Variants in GGTA1 observed in about 807,000 individuals in gnomAD.
GGTA1 encodes inactive N-acetyllactosaminide alpha-1,3-galactosyltransferase.
In GGTA1, 5 loss-of-function variants were observed where a neutral mutation model predicts 2.6. The ratio of observed to expected loss-of-function variants is 1.92; its 90% CI spans 1.00 to 4.04. The LOEUF is 4.04. GGTA1 is among the 30% of genes most tolerant of loss of function. The pLI is 0.00. For synonymous variants in GGTA1, 17 were observed against 5.0 expected (o/e 3.38, Z -3.19); for missense variants, 50 against 16.7 (o/e 2.99, Z -3.47).
intron 5 of GGTA1, among the ~76,000 whole-genome samples, chr9:121,458,853 A>T (rs2064936134): frequency 1.3e-5 from 2 of 151,986 alleles, no homozygotes; most frequent in Admixed American, 1.3e-4. Context: ...CCACAGTAAA[A>T]TTGCCCCATT....
At chr9:121,492,906 G>A (rs969531644) in intron 1 of GGTA1, among the ~76,000 whole-genome samples, 4 of 151,946 alleles carry the variant, frequency 2.6e-5, no homozygotes, top group Admixed American at 6.6e-5. Flanking sequence ...CACTTTAGGA[G>A]GCCGAAGCAG....
intron 1 of GGTA1, among the ~76,000 whole-genome samples, chr9:121,498,865 G>A (rs547672218): frequency 1.3e-5 from 2 of 151,256 alleles, no homozygotes; most frequent in African/African-American, 4.8e-5. Flanking sequence ...CTCTTTGCGC[G>A]CTGACATTTT....
intron 2 of GGTA1, among the ~76,000 whole-genome samples, chr9:121,466,598 G>A (rs1000938024): frequency 6.6e-6 from 1 of 152,086 alleles, no homozygotes; most frequent in Non-Finnish European, 1.5e-5. Flanking sequence ...TGCACCTAAA[G>A]GCACGGTTCC....
At chr9:121,482,177 A>G (rs1336390918) in intron 1 of GGTA1, among the ~76,000 whole-genome samples, 1 of 150,306 alleles carries the variant, frequency 6.7e-6, no homozygotes, top group African/African-American at 2.5e-5. Context: ...GTGCTAAAAC[A>G]ATCTAGGAGG....
chr9:121,456,483 T>A (rs1265313135), intron 5 of GGTA1, among the ~76,000 whole-genome samples: 4 of 152,016 alleles, frequency 2.6e-5, no homozygotes, highest in Non-Finnish European at 5.9e-5. Context: ...AATGGTGAGA[T>A]CTTGGCTTAC....
At chr9:121,473,919 A>AAGAAAGAG (rs1469027637) in intron 1 of GGTA1, among the ~76,000 whole-genome samples, 1 of 146,752 alleles carries the variant, frequency 6.8e-6, no homozygotes, top group Non-Finnish European at 1.5e-5. Flanking sequence ...TCCTGCAAGA[A>AAGAAAGAG]AGAAAGAGAG....
At chr9:121,457,122 T>C (rs1472044817) in intron 5 of GGTA1, among the ~76,000 whole-genome samples, 7 of 152,086 alleles carry the variant, frequency 4.6e-5, no homozygotes, top group African/African-American at 1.7e-4. Flanking sequence ...GGAGGAGGAA[T>C]TGACAGAACA....
rs781304750 is a variant in GGTA1 at position 121,480,795 on chromosome 9, G to T, written c.-9-12864C>A. Among the ~76,000 whole-genome samples the T allele has an allele frequency of 1.6e-4, 25 of 152,248 alleles. No homozygotes were observed. The South Asian group carries it at 1.9e-3, about 11-fold the overall frequency. On this transcript the variant is annotated intron_variant, in intron 1 of 5. Coordinates refer to ENST00000481799, the MANE Select transcript of GGTA1 (RefSeq NM_001382585.1). ...CAGATGCCCACCTGCCTATCCTATT[G>T]TTCTGCTCCCAGTTCCACACCCAAA...
At chr9:121,464,326 T>TA (rs2064986169) in intron 2 of GGTA1, among the ~76,000 whole-genome samples, 2 of 144,926 alleles carry the variant, frequency 1.4e-5, no homozygotes, top group African/African-American at 5.1e-5. Context: ...TCCTTGAGGT[T>TA]TTTTTTTTTT....
rs114308122 is a variant in GGTA1 at position 121,491,950 on chromosome 9, C to T, written c.-10+7700G>A. Among the ~76,000 whole-genome samples the T allele has an allele frequency of 8.5e-3, 1,294 of 152,200 alleles. 18 individuals are homozygous for T. Among genetic ancestry groups the T allele is most frequent in the African/African-American group, 0.03 (1,233 of 41,514 alleles). On this transcript the variant is annotated intron_variant, in intron 1 of 5. Coordinates refer to ENST00000481799, the MANE Select transcript of GGTA1 (RefSeq NM_001382585.1). ...AGCTAAGCTATGGCCTCCATGTGGG[C>T]AGGAATTGTGTCTATCTTGTTCATG...
chr9:121,448,608 G>A (rs192882289), intron 7 of GGTA1, among the ~76,000 whole-genome samples: 33 of 152,248 alleles, frequency 2.2e-4, no homozygotes, highest in African/African-American at 7.0e-4. Context: ...GATGAAAAGA[G>A]AAGATAAAAA....
At chr9:121,484,318 G>A (rs1035684360) in intron 1 of GGTA1, among the ~76,000 whole-genome samples, 33 of 152,306 alleles carry the variant, frequency 2.2e-4, no homozygotes, top group Middle Eastern at 3.4e-3. Context: ...CACCAGGCAA[G>A]GAGATTGTGG....
In GGTA1 at chr9:121,473,051, G is replaced by T. The variant is rs191421747; in HGVS notation, c.-9-5120C>A. On this transcript the variant is annotated intron_variant, in intron 1 of 5. Coordinates refer to ENST00000481799, the MANE Select transcript of GGTA1 (RefSeq NM_001382585.1). The stretch of plus-strand genomic sequence containing the variant: ...TTTAAGACTTACAATTGGATGACCG[G>T]GTGCAAACCTGTAATCTCAGCACTT... Among the ~76,000 whole-genome samples the T allele has an allele frequency of 6.5e-3, 994 of 152,242 alleles. 11 individuals are homozygous for T. The highest frequency in any genetic ancestry group is 0.011 in the Non-Finnish European group (726 of 68,014).
intron 5 of GGTA1, among the ~76,000 whole-genome samples, chr9:121,457,700 TAA>T (rs35336090): frequency 8.1e-6 from 1 of 123,046 alleles, no homozygotes; most frequent in Non-Finnish European, 1.6e-5. Context: ...GAATCCATCT[TAA>T]AAAAAAAAAA....
intron 1 of GGTA1, among the ~76,000 whole-genome samples, chr9:121,485,941 C>T (rs948176686): frequency 2.6e-5 from 4 of 152,178 alleles, no homozygotes; most frequent in African/African-American, 7.2e-5. Flanking sequence ...ACAACACCAC[C>T]ACCACCAAAA....
intron 1 of GGTA1, among the ~76,000 whole-genome samples, chr9:121,490,355 C>T (rs1286706129): frequency 1.3e-5 from 2 of 152,206 alleles, no homozygotes; most frequent in African/African-American, 4.8e-5. Flanking sequence ...GGCCATACCA[C>T]TCTGAATGCA....
intron 1 of GGTA1, among the ~76,000 whole-genome samples, chr9:121,482,932 C>T (rs141597177): frequency 2.7e-3 from 407 of 152,058 alleles, no homozygotes; most frequent in African/African-American, 9.3e-3. Flanking sequence ...GCATGGGTGA[C>T]AGAGCGAGAT....
exon 8 of GGTA1, chr9:121,445,024 G>A (rs764749248): frequency 6.6e-6 from 1 of 152,100 alleles, no homozygotes; most frequent in Non-Finnish European, 1.5e-5. Context: ...TGTAAATTGG[G>A]ACATTTTTTA....
In GGTA1 at chr9:121,476,487, T is replaced by G. The variant is rs1828513647; in HGVS notation, c.-9-8556A>C. ...GCTAAGATTCCCCAGTAATCCCCAG[T>G]TCTTCTCTGATGAACCCAGGATGTG... On this transcript the variant is annotated intron_variant, in intron 1 of 5. Transcript: ENST00000481799. This position sits in a 1 kb window ranked among gnomAD's most constrained non-coding sequence, Gnocchi z 4.6. 1.3e-5 allele frequency among the ~76,000 whole-genome samples: 2 copies of G among 152,158 alleles called. No individual in the cohort carries two copies. The highest frequency in any genetic ancestry group is 4.8e-5 in the African/African-American group (2 of 41,444).
Sources: gnomAD v4.1 joint callset for allele counts (sites outside exome capture counted in the v4.1 genomes callset) on GRCh38, gnomAD v4.1.1 for gene constraint, Gnocchi (gnomAD v3.1) non-coding constraint, MANE v1.5 for transcripts, NCBI Gene and HGNC (gene_info 2026-07-23, HGNC 2026-07-21) for gene names.